PLEKHH2: variants seen among roughly 807,000 people sequenced by gnomAD.
PLEKHH2 encodes the protein pleckstrin homology, MyTH4 and FERM domain containing H2.
PLEKHH2 carries 129 observed loss-of-function variants against 187.9 expected under a neutral mutation model. That is an observed-to-expected ratio of 0.69 (90% confidence interval 0.59 to 0.79). The LOEUF (loss-of-function observed/expected upper bound fraction) is 0.79. Among genes scored for constraint, PLEKHH2 ranks in the 30% least tolerant of loss-of-function variants. The pLI is 0.00. For synonymous variants in PLEKHH2, 686 were observed against 605.6 expected (o/e 1.13, Z -1.95); for missense variants, 2,076 against 1,751.2 (o/e 1.19, Z -3.31).
chr2:43,641,216 T>C (rs1665897954), intron 1 of PLEKHH2, among the ~76,000 whole-genome samples: 2 of 152,310 alleles, frequency 1.3e-5, no homozygotes, highest in East Asian at 3.9e-4. Context: ...CTGTGGGTTA[T>C]CTTTGCACTT....
chr2:43,689,887 T>G (rs1474886411), intron 3 of PLEKHH2, among the ~76,000 whole-genome samples: 1 of 152,232 alleles, frequency 6.6e-6, no homozygotes, highest in East Asian at 1.9e-4. Context: ...TTTTCAGGTC[T>G]ATAGACCTTT....
chr2:43,675,374 C>T, intron 2 of PLEKHH2: 1 of 1,571,834 alleles, frequency 6.4e-7, no homozygotes, highest in South Asian at 1.2e-5. Flanking sequence ...TTCTCCAGGC[C>T]TCAGTCATTT....
chr2:43,759,898 A>G (rs1241706332), intron 27 of PLEKHH2, among the ~76,000 whole-genome samples: 1 of 152,236 alleles, frequency 6.6e-6, no homozygotes. Context: ...CTTAGATTAG[A>G]AAAGTAAAAT....
rs774448904 is a variant in PLEKHH2, at chr2:43,765,629, T to TACAG, written c.*31_*32insACAG. 6.2e-7 allele frequency: 1 copy of TACAG among 1,600,314 alleles called. No individual in the cohort carries two copies. The highest frequency in any genetic ancestry group is 1.1e-5 in the South Asian group (1 of 88,966). ...GGGGAGCCTGAACATTCACTCCTTG[T>TACAG]CCTCCATGCTGTGGCTGTATCAGCT... On this transcript the variant is annotated 3_prime_UTR_variant, in exon 30 of 30. Transcript: ENST00000282406.
rs754220968 is a variant in PLEKHH2, at chr2:43,729,671, G to A, written c.2756G>A (p.Gly919Glu). 2 of 1,608,560 alleles carry A rather than the reference G, an allele frequency of 1.2e-6. No homozygotes were observed. Among genetic ancestry groups the A allele is most frequent in the Non-Finnish European group, 8.5e-7 (1 of 1,178,184 alleles). Residue 919 changes from glycine to glutamate, a missense_variant, in exon 18 of 30, where the codon GGA (glycine) becomes GAA (glutamate). Physicochemically the swap from Gly to Glu is moderately conservative, Grantham distance 98. Coordinates refer to ENST00000282406, the MANE Select transcript of PLEKHH2 (RefSeq NM_172069.4). ...TWLYHLTVAA[G>E]SNNVNVGSEF... ...CTTTATCATCTGACTGTTGCAGCTGGAAGCAACAATGTAAACGTTGGATCT... is the reference window on the plus strand; with the variant it reads ...CTTTATCATCTGACTGTTGCAGCTGAAAGCAACAATGTAAACGTTGGATCT...
At chr2:43,687,285 G>A (rs924708083) in intron 3 of PLEKHH2, among the ~76,000 whole-genome samples, 1 of 152,138 alleles carries the variant, frequency 6.6e-6, no homozygotes. Context: ...TTAGGATAAT[G>A]ACCTCCAGTT....
At chr2:43,715,145 G>A (rs144180542) in intron 15 of PLEKHH2, among the ~76,000 whole-genome samples, 1,978 of 151,854 alleles carry the variant, frequency 0.013, 50 homozygotes, top group African/African-American at 0.046. Flanking sequence ...GCATGCTGGC[G>A]GGCACCTGTA....
rs180903357 is a variant in PLEKHH2, at chr2:43,756,494, A to G, written c.3796-625A>G. ...TTTTTAACATCTATTTCATCTTATT[A>G]TCAGCAATTAAAATAGTGCCTTAAA... On this transcript the variant is annotated intron_variant, in intron 25 of 29. Transcript: ENST00000282406. Among the ~76,000 whole-genome samples, 13 of 152,220 alleles carry G rather than the reference A, an allele frequency of 8.5e-5. No individual in the cohort carries two copies. In the East Asian group the frequency reaches 2.3e-3, roughly 27 times the overall value.
At chr2:43,710,173 C>A in intron 12 of PLEKHH2, 47 bp downstream of exon 12, 1 of 1,610,710 alleles carries the variant, frequency 6.2e-7, no homozygotes. Flanking sequence ...CAGATTGAGC[C>A]TCCAAAAGGA....
chr2:43,641,295 T>A (rs977529021), intron 1 of PLEKHH2, among the ~76,000 whole-genome samples: 1 of 152,194 alleles, frequency 6.6e-6, no homozygotes, highest in Non-Finnish European at 1.5e-5. Flanking sequence ...CTATTTTTTC[T>A]TCGATTCCTT....
At chr2:43,725,331 G>A (rs1670688529) in intron 16 of PLEKHH2, among the ~76,000 whole-genome samples, 1 of 152,282 alleles carries the variant, frequency 6.6e-6, no homozygotes, top group South Asian at 2.1e-4. Flanking sequence ...ATCTTAGTGT[G>A]TCCAAAGGGA....
At chr2:43,660,393 C>T (rs1667006089) in intron 2 of PLEKHH2, among the ~76,000 whole-genome samples, 2 of 150,452 alleles carry the variant, frequency 1.3e-5, no homozygotes, top group Non-Finnish European at 2.9e-5. Context: ...TAAGTAAACA[C>T]CTAGGAGTAG....
At chr2:43,734,054 A>G (rs1671176170) in intron 19 of PLEKHH2, among the ~76,000 whole-genome samples, 2 of 152,234 alleles carry the variant, frequency 1.3e-5, no homozygotes, top group Admixed American at 6.5e-5. Context: ...GTCCCAAAGC[A>G]TAGAAAAAGA....
At chr2:43,675,671 T>A (rs760618806) in intron 2 of PLEKHH2, 2 of 1,613,996 alleles carry the variant, frequency 1.2e-6, no homozygotes, top group Non-Finnish European at 1.7e-6. Context: ...GCCAGCTGCT[T>A]ATCTTCAGAT....
chr2:43,647,065 T>C (rs899938447), intron 2 of PLEKHH2, among the ~76,000 whole-genome samples: 4 of 152,142 alleles, frequency 2.6e-5, no homozygotes, highest in African/African-American at 9.6e-5. Context: ...CATCCATGTT[T>C]TAATGAAAAT....
rs376197218 is a variant in PLEKHH2 at position 43,758,981 on chromosome 2, A to G, written c.4023A>G (p.Thr1341=). 1.3e-5 allele frequency: 21 copies of G among 1,612,984 alleles called. No homozygotes were observed. Among genetic ancestry groups the G allele is most frequent in the Middle Eastern group, 1.6e-4 (1 of 6,082 alleles). Residue 1341 remains threonine, a synonymous_variant, in exon 27 of 30, where the codon ACA becomes ACG. Transcript: ENST00000282406. The part of the protein sequence containing the change: ...SAADCVRIYL[T]VARKWPFFGA... ...CTGACTGTGTGCGCATTTATTTGACAGTAGCCAGGAAGTGGCCATTCTTTG... is the reference window on the plus strand; with the variant it reads ...CTGACTGTGTGCGCATTTATTTGACGGTAGCCAGGAAGTGGCCATTCTTTG...
chr2:43,726,338 G>C lies in PLEKHH2; in HGVS notation c.2608G>C (p.Asp870His). Residue 870 changes from aspartate to histidine, a missense_variant, in exon 17 of 30, where the codon GAT becomes CAT. Coordinates refer to ENST00000282406, the MANE Select transcript of PLEKHH2 (RefSeq NM_172069.4). ...VEEVDRSCDS[D>H]EDYEASGRSL... ...AGAGGTTGACAGATCTTGTGATTCA[G>C]ATGAAGATTATGAAGCCAGTGGACG... 6.2e-7 allele frequency: 1 copy of C among 1,612,044 alleles called. No homozygotes were observed. Among genetic ancestry groups the C allele is most frequent in the Non-Finnish European group, 8.5e-7 (1 of 1,178,152 alleles).
At chr2:43,696,737 A>C (rs1669109685) in intron 6 of PLEKHH2, among the ~76,000 whole-genome samples, 2 of 152,238 alleles carry the variant, frequency 1.3e-5, no homozygotes, top group South Asian at 4.1e-4. Flanking sequence ...GGATGATCCA[A>C]GTTTCTTTGG....
intron 21 of PLEKHH2, among the ~76,000 whole-genome samples, chr2:43,742,198 C>T (rs1404983442): frequency 6.6e-6 from 1 of 151,998 alleles, no homozygotes; most frequent in Non-Finnish European, 1.5e-5. Context: ...GACAGGTTTT[C>T]ACCATGTTGA....
Sources: allele counts gnomAD v4.1 joint callset (sites outside exome capture counted in the v4.1 genomes callset), GRCh38; gene constraint gnomAD v4.1.1; transcripts MANE v1.5; gene names NCBI Gene and HGNC (gene_info 2026-07-23, HGNC 2026-07-21).